ST6GALNAC3: variants seen among roughly 807,000 people sequenced by gnomAD.
The protein encoded by ST6GALNAC3 is ST6 N-acetylgalactosaminide alpha-2,6-sialyltransferase 3.
Under a neutral mutation model 32.7 loss-of-function variants are expected in ST6GALNAC3, and 25 were observed. That is an observed-to-expected ratio of 0.76 (90% confidence interval 0.56 to 1.07). The LOEUF is 1.07. Ranked by LOEUF, ST6GALNAC3 falls within the 50% of genes least tolerant of loss-of-function variation. The pLI, the probability that ST6GALNAC3 is intolerant of heterozygous loss-of-function variation, is 0.00. For synonymous variants in ST6GALNAC3, 129 were observed against 133.1 expected, an observed-to-expected ratio of 0.97 and a Z score of 0.21; for missense variants, 355 against 382.4, an observed-to-expected ratio of 0.93 and a Z score of 0.60.
chr1:76,082,190 A>T lies in ST6GALNAC3; in HGVS notation c.18+7306A>T, dbSNP rs559852221. On this transcript the variant is annotated intron_variant, in intron 1 of 4. Coordinates refer to ENST00000328299, the MANE Select transcript of ST6GALNAC3 (RefSeq NM_152996.4). The stretch of plus-strand genomic sequence containing the variant: ...ATGCCTGAGGGCTGGGAGTTGAATG[A>T]GGTTCTTTTCTGTTTCCTGGCTTTA... Among the ~76,000 whole-genome samples the T allele has an allele frequency of 2.0e-5, 3 of 152,282 alleles. No individual in the cohort carries two copies. In the East Asian group the frequency reaches 5.8e-4, roughly 29 times the overall value.
chr1:76,309,930 G>C (rs932509555), intron 1 of ST6GALNAC3: 1 of 473,412 alleles, frequency 2.1e-6, no homozygotes, highest in South Asian at 1.5e-5. Flanking sequence ...ATTTCATCCT[G>C]TTTTGAAATT....
chr1:76,473,429 C>A (rs1659161104), intron 3 of ST6GALNAC3, among the ~76,000 whole-genome samples: 1 of 152,092 alleles, frequency 6.6e-6, no homozygotes, highest in South Asian at 2.1e-4. Flanking sequence ...TTGTGGTCTG[C>A]AGTGTACAGC....
At chr1:76,595,709 C>A (rs997304716) in intron 3 of ST6GALNAC3, among the ~76,000 whole-genome samples, 2 of 150,564 alleles carry the variant, frequency 1.3e-5, no homozygotes, top group Non-Finnish European at 3.0e-5. Context: ...ACACACACGG[C>A]CATTTTGGAT....
At chr1:76,440,176 A>G (rs1656444193) in intron 3 of ST6GALNAC3, among the ~76,000 whole-genome samples, 1 of 152,238 alleles carries the variant, frequency 6.6e-6, no homozygotes, top group Non-Finnish European at 1.5e-5. Context: ...GAGACGAAGC[A>G]TGGAAGTATG....
intron 3 of ST6GALNAC3, among the ~76,000 whole-genome samples, chr1:76,581,627 A>C (rs757640431): frequency 2.0e-5 from 3 of 152,180 alleles, no homozygotes; most frequent in Non-Finnish European, 2.9e-5. Context: ...ACCTCAGCAA[A>C]TTAGGTTGAA....
chr1:76,397,871 TCTC>T (rs942371822), intron 2 of ST6GALNAC3, among the ~76,000 whole-genome samples: 35 of 152,308 alleles, frequency 2.3e-4, no homozygotes, highest in African/African-American at 8.2e-4. Flanking sequence ...CATTTTTAAT[TCTC>T]CTATTAGTTC....
At chr1:76,174,663 C>CTTTTTTTTTTTTTTTTTT (rs59269306) in intron 1 of ST6GALNAC3, among the ~76,000 whole-genome samples, 5 of 140,104 alleles carry the variant, frequency 3.6e-5, no homozygotes, top group Admixed American at 7.3e-5. Context: ...TTTTTCTTTT[C>CTTTTTTTTTTTTTTTTTT]TTTTTTTTTT....
chr1:76,253,648 A>G (rs572495401), intron 1 of ST6GALNAC3, among the ~76,000 whole-genome samples: 2 of 152,254 alleles, frequency 1.3e-5, no homozygotes, highest in South Asian at 4.1e-4. Context: ...CCTGCCCGCT[A>G]TGGAAAATTA....
At chr1:76,318,487 A>C (rs766737297) in intron 2 of ST6GALNAC3, among the ~76,000 whole-genome samples, 6 of 152,122 alleles carry the variant, frequency 3.9e-5, no homozygotes, top group Admixed American at 6.6e-5. Context: ...TCTCATCAAC[A>C]CGTGTTTAAG....
intron 3 of ST6GALNAC3, among the ~76,000 whole-genome samples, chr1:76,552,977 C>G (rs932609449): frequency 6.6e-6 from 1 of 151,982 alleles, no homozygotes; most frequent in African/African-American, 2.4e-5. Flanking sequence ...TTTTTGGAGT[C>G]TCTTGAGTTT....
At chr1:76,581,737 GT>G (rs35071989) in intron 3 of ST6GALNAC3, among the ~76,000 whole-genome samples, 58,970 of 151,880 alleles carry the variant, frequency 0.39, 12,758 homozygotes, top group African/African-American at 0.6. Context: ...ATGTACATAT[GT>G]TACCATCATC....
intron 3 of ST6GALNAC3, among the ~76,000 whole-genome samples, chr1:76,474,036 G>A (rs1659197158): frequency 6.6e-6 from 1 of 152,128 alleles, no homozygotes; most frequent in Non-Finnish European, 1.5e-5. Flanking sequence ...AAGAGATAGG[G>A]TGAGACAGTG....
At chr1:76,361,984 A>ATAAAT (rs202173705) in intron 2 of ST6GALNAC3, among the ~76,000 whole-genome samples, 1 of 117,222 alleles carries the variant, frequency 8.5e-6, no homozygotes, top group Non-Finnish European at 2.1e-5. Flanking sequence ...TATCAAAAAA[A>ATAAAT]AAAAAAAAAG....
intron 1 of ST6GALNAC3, among the ~76,000 whole-genome samples, chr1:76,133,069 G>A (rs1649717008): frequency 6.6e-6 from 1 of 152,088 alleles, no homozygotes; most frequent in African/African-American, 2.4e-5. Context: ...GTGAAAATAT[G>A]CTATAGTAGG....
intron 3 of ST6GALNAC3, among the ~76,000 whole-genome samples, chr1:76,588,746 A>G (rs1647001460): frequency 6.6e-6 from 1 of 152,202 alleles, no homozygotes. Context: ...TCCAGCAGGA[A>G]GAAGCTGTGT....
At chr1:76,486,608 C>T (rs1660132895) in intron 3 of ST6GALNAC3, among the ~76,000 whole-genome samples, 1 of 152,050 alleles carries the variant, frequency 6.6e-6, no homozygotes, top group Admixed American at 6.5e-5. Flanking sequence ...TTATTTTGAG[C>T]CTATATGTGT....
chr1:76,281,050 A>G (rs150553941), intron 1 of ST6GALNAC3, among the ~76,000 whole-genome samples: 3 of 152,278 alleles, frequency 2.0e-5, no homozygotes, highest in Non-Finnish European at 2.9e-5. Context: ...TACTATTACT[A>G]TCTCGTTTTG....
intron 1 of ST6GALNAC3, among the ~76,000 whole-genome samples, chr1:76,305,323 G>A (rs1660981969): frequency 2.0e-5 from 3 of 152,042 alleles, no homozygotes; most frequent in Non-Finnish European, 2.9e-5. Context: ...GACAGAATCC[G>A]GGAGCCTAAT....
chr1:76,500,215 A>T (rs1299023464), intron 3 of ST6GALNAC3, among the ~76,000 whole-genome samples: 1 of 152,216 alleles, frequency 6.6e-6, no homozygotes, highest in Non-Finnish European at 1.5e-5. Context: ...TTGAATCAGT[A>T]TTATATGAAT....
Sources: allele counts gnomAD v4.1 joint callset (sites outside exome capture counted in the v4.1 genomes callset), GRCh38; gene constraint gnomAD v4.1.1; transcripts MANE v1.5; gene names NCBI Gene and HGNC (gene_info 2026-07-23, HGNC 2026-07-21).